MGMT: variants seen among roughly 807,000 people sequenced by gnomAD.
The protein encoded by MGMT is O-6-methylguanine-DNA methyltransferase.
MGMT carries 14 observed loss-of-function variants against 15.9 expected under a neutral mutation model. That is an observed-to-expected ratio of 0.88 (90% CI 0.58 to 1.37). The LOEUF is 1.37. Ranked by LOEUF, MGMT falls within the 40% of genes most tolerant of loss-of-function variation. The probability of loss-of-function intolerance (pLI) is 0.00; values close to 1 mark genes in which losing one functional copy is unlikely to be tolerated. For missense variants in MGMT, 282 were observed against 268.1 expected (o/e 1.05, Z -0.36); for synonymous variants, 130 against 118.2 (o/e 1.10, Z -0.65).
chr10:129,630,938 T>C (rs772349604), intron 2 of MGMT, among the ~76,000 whole-genome samples: 3 of 152,212 alleles, frequency 2.0e-5, no homozygotes, highest in Non-Finnish European at 4.4e-5. Flanking sequence ...TTTAGAAAAG[T>C]GCATTGCTGT....
chr10:129,725,992 C>T (rs1387480424), intron 3 of MGMT, among the ~76,000 whole-genome samples: 1 of 152,188 alleles, frequency 6.6e-6, no homozygotes, highest in Non-Finnish European at 1.5e-5. Flanking sequence ...CAGTTTCCCT[C>T]TTCTCACAGA....
rs145656456 is a variant in MGMT, at chr10:129,656,456, G to A, written c.126-51439G>A. ...GCAGCATCGGCATGTCCTTTCTGGT[G>A]TGAACTCCAAATATCTGAGATGGTC... On this transcript the variant is annotated intron_variant, in intron 2 of 4. Transcript: ENST00000651593. Among the ~76,000 whole-genome samples the A allele has an allele frequency of 2.7e-3, 411 of 152,342 alleles. 2 individuals carry two copies. Among genetic ancestry groups the A allele is most frequent in the African/African-American group, 9.3e-3 (388 of 41,586 alleles).
chr10:129,728,825 C>T (rs2388443), intron 3 of MGMT, among the ~76,000 whole-genome samples: 34,792 of 151,558 alleles, frequency 0.23, 4,783 homozygotes, highest in East Asian at 0.43. Context: ...CGCCTCCCAT[C>T]GCCATCAGCG....
At chr10:129,567,133 C>T (rs1178131046) in intron 2 of MGMT, among the ~76,000 whole-genome samples, 2 of 152,174 alleles carry the variant, frequency 1.3e-5, no homozygotes, top group African/African-American at 4.8e-5. Flanking sequence ...GAAACAAATG[C>T]CTTTGTGCTT....
intron 1 of MGMT, among the ~76,000 whole-genome samples, chr10:129,527,403 C>T (rs1467398420): frequency 5.3e-5 from 8 of 152,204 alleles, no homozygotes; most frequent in African/African-American, 7.2e-5. Flanking sequence ...TTGAGTTAGA[C>T]GGGACACTGG....
At chr10:129,574,309 C>T (rs576569007) in intron 2 of MGMT, among the ~76,000 whole-genome samples, 1 of 152,334 alleles carries the variant, frequency 6.6e-6, no homozygotes, top group South Asian at 2.1e-4. Context: ...CTCAGCATGG[C>T]CTATGCCTTG....
chr10:129,478,250 A>T (rs981130229), intron 1 of MGMT, among the ~76,000 whole-genome samples: 3 of 151,950 alleles, frequency 2.0e-5, no homozygotes, highest in African/African-American at 7.3e-5. Flanking sequence ...CCCCCCCTCC[A>T]GATTGGTCAG....
chr10:129,657,092 G>A (rs1422729329), intron 2 of MGMT, among the ~76,000 whole-genome samples: 2 of 152,146 alleles, frequency 1.3e-5, no homozygotes, highest in Admixed American at 6.5e-5. Context: ...CTAAGTAACT[G>A]TAAAAGATCC....
At chr10:129,495,447 C>T (rs1430444715) in intron 1 of MGMT, among the ~76,000 whole-genome samples, 2 of 152,114 alleles carry the variant, frequency 1.3e-5, no homozygotes, top group African/African-American at 2.4e-5. Context: ...CATTTTTACC[C>T]CACGGATCAG....
At chr10:129,510,202 AG>A (rs57547830) in intron 1 of MGMT, among the ~76,000 whole-genome samples, 9,911 of 152,244 alleles carry the variant, frequency 0.065, 1,074 homozygotes, top group African/African-American at 0.23. Flanking sequence ...GATCCCTCGG[AG>A]AATATTTTCC....
chr10:129,763,375 C>T (rs1273738514), intron 4 of MGMT, among the ~76,000 whole-genome samples: 3 of 152,100 alleles, frequency 2.0e-5, no homozygotes, highest in Admixed American at 6.6e-5. Flanking sequence ...ACAGAAGCAG[C>T]GTTCCCTATT....
At chr10:129,755,201 C>G (rs887980829) in intron 3 of MGMT, among the ~76,000 whole-genome samples, 1 of 152,222 alleles carries the variant, frequency 6.6e-6, no homozygotes, top group African/African-American at 2.4e-5. Flanking sequence ...TTACCTGGAA[C>G]CAGAATCCCC....
rs1158717771 is a variant in MGMT, at chr10:129,732,306, C to T, written c.274+24263C>T. Among the ~76,000 whole-genome samples, 5 of 122,660 alleles carry T rather than the reference C, an allele frequency of 4.1e-5. No homozygotes were observed. The East Asian group carries it at 9.3e-4, about 23-fold the overall frequency. 80.5% of individuals were successfully genotyped at this position (122,660 alleles called of 152,430 possible). ...TCTCCTAATGCTATCCCTCCCCCAA[C>T]CCCCCACCCCCCGACAGGCCCCAGT... On this transcript the variant is annotated intron_variant, in intron 3 of 4. Coordinates refer to ENST00000651593, the MANE Select transcript of MGMT (RefSeq NM_002412.5).
At position 129,536,289 on chromosome 10, in the gene MGMT, G is replaced by A; in HGVS notation, c.37G>A (p.Asp13Asn). Reference sequence around the variant, plus strand: ...TTGTGAAATGAAACGCACCACACTGGACAGCCCTTTGGGGAAGCTGGAGCT... The same window carrying A: ...TTGTGAAATGAAACGCACCACACTGAACAGCCCTTTGGGGAAGCTGGAGCT... Reference protein sequence around the residue: ...KDCEMKRTTLDSPLGKLELSG... With the variant: ...KDCEMKRTTLNSPLGKLELSG... The change falls in exon 2 of 5, where the codon GAC (aspartate) becomes AAC (asparagine). Residue 13 changes from aspartate to asparagine, a missense_variant. By Grantham distance (23) the Asp-to-Asn change is conservative. Transcript: ENST00000651593. 6.2e-7 allele frequency: 1 copy of A among 1,614,140 alleles called. No homozygotes were observed. The highest frequency in any genetic ancestry group is 1.7e-5 in the Admixed American group (1 of 60,002).
intron 2 of MGMT, among the ~76,000 whole-genome samples, chr10:129,690,720 G>A (rs1053020464): frequency 6.6e-6 from 1 of 152,216 alleles, no homozygotes; most frequent in African/African-American, 2.4e-5. Context: ...GAAAGTCCCA[G>A]GAGTGGGAAG....
intron 3 of MGMT, among the ~76,000 whole-genome samples, chr10:129,720,353 G>A (rs753673496): frequency 1.3e-5 from 2 of 152,176 alleles, no homozygotes; most frequent in Non-Finnish European, 2.9e-5. Flanking sequence ...GATTGGAGTG[G>A]GGTCACTGGG....
At chr10:129,734,262 A>G (rs1226087969) in intron 3 of MGMT, among the ~76,000 whole-genome samples, 3 of 139,548 alleles carry the variant, frequency 2.1e-5, no homozygotes, top group Non-Finnish European at 3.2e-5. Flanking sequence ...GTTCTCCTTG[A>G]AGAGGTCCTT....
At chr10:129,560,038 G>A (rs1846259058) in intron 2 of MGMT, among the ~76,000 whole-genome samples, 1 of 152,296 alleles carries the variant, frequency 6.6e-6, no homozygotes. Flanking sequence ...AGCAAAAGTG[G>A]AATTATGAGT....
In MGMT at chr10:129,680,430, T is replaced by A. The variant is rs115903716; in HGVS notation, c.126-27465T>A. ...GAGAAACCACCTTCTCCTAGGCATC[T>A]GTATTTGGTTACCCGCCAGCACTGA... is the stretch of plus-strand genomic sequence containing the variant. On this transcript the variant is annotated intron_variant, in intron 2 of 4. Transcript: ENST00000651593. 7.5e-3 allele frequency among the ~76,000 whole-genome samples: 1,135 copies of A among 151,808 alleles called. 15 individuals carry two copies. Among genetic ancestry groups the A allele is most frequent in the African/African-American group, 0.025 (1,013 of 41,148 alleles).
Sources: gnomAD v4.1 joint callset for allele counts (sites outside exome capture counted in the v4.1 genomes callset) on GRCh38, gnomAD v4.1.1 for gene constraint, MANE v1.5 for transcripts, NCBI Gene and HGNC (gene_info 2026-07-23, HGNC 2026-07-21) for gene names.